Variants in UBA6 observed in about 807,000 individuals in gnomAD.
UBA6 encodes ubiquitin like modifier activating enzyme 6.
A neutral mutation model predicts 148.3 loss-of-function variants in UBA6; 87 were observed. The ratio of observed to expected loss-of-function variants is 0.59; its 90% CI spans 0.49 to 0.70. The LOEUF (loss-of-function observed/expected upper bound fraction) is 0.70, where lower values mean the gene tolerates loss of function less well. Among genes scored for constraint, UBA6 ranks in the 30% least tolerant of loss-of-function variants. UBA6 has a pLI of 0.00. For missense variants in UBA6, 1,186 were observed against 1,241.2 expected, an observed-to-expected ratio of 0.96 and a Z score of 0.67; for synonymous variants, 376 against 401.0, an observed-to-expected ratio of 0.94 and a Z score of 0.75.
chr4:67,626,488 A>G lies in UBA6; in HGVS notation c.2401-11T>C, dbSNP rs1478626741. The G allele has an allele frequency of 1.3e-6, 2 of 1,510,706 alleles. No individual in the cohort carries two copies. Among genetic ancestry groups the G allele is most frequent in the Non-Finnish European group, 9.1e-7 (1 of 1,098,934 alleles). 93.6% of individuals were successfully genotyped at this position (1,510,706 alleles called of 1,614,324 possible). On this transcript the variant is annotated splice_polypyrimidine_tract_variant and intron_variant, in intron 27 of 32. Transcript: ENST00000322244. The stretch of plus-strand genomic sequence containing the variant: ...ATCTGTTTGAACAACCTTTGAATAT[A>G]TGAATATATTTTTATTAATGTTATC...
In UBA6 at chr4:67,662,175, A is replaced by G; in HGVS notation, c.1104+14T>C. On this transcript the variant is annotated intron_variant, in intron 13 of 32. Transcript: ENST00000322244. ...CAAACAAATATTCGGACAGCCATAAATTTCAATAGTCACCTTCTCTTCCAA... is the reference window on the plus strand; with the variant it reads ...CAAACAAATATTCGGACAGCCATAAGTTTCAATAGTCACCTTCTCTTCCAA... 2 of 1,612,252 alleles carry G rather than the reference A, an allele frequency of 1.2e-6. No homozygotes were observed. Among genetic ancestry groups the G allele is most frequent in the South Asian group, 2.2e-5 (2 of 91,044 alleles).
intron 19 of UBA6, among the ~76,000 whole-genome samples, chr4:67,635,928 C>T (rs1454380219): frequency 6.6e-6 from 1 of 152,148 alleles, no homozygotes; most frequent in Non-Finnish European, 1.5e-5. Context: ...TCTTCTTTCT[C>T]AACACTTACA....
In UBA6 at chr4:67,694,215, C is replaced by CAAAAAA. The variant is rs769649769; in HGVS notation, c.134+2424_134+2429dup. ...TGGATGACAGAGCAAGACTCCATCT[C>CAAAAAA]AAAAAAAAAAAAAAAAAAAAAAAAA... On this transcript the variant is annotated intron_variant, in intron 2 of 32. Transcript: ENST00000322244. 4.4e-3 allele frequency among the ~76,000 whole-genome samples: 185 copies of CAAAAAA among 41,882 alleles called. 2 individuals carry two copies. Among genetic ancestry groups the CAAAAAA allele is most frequent in the Non-Finnish European group, 5.2e-3 (130 of 24,856 alleles). The allele number at this position is 41,882 out of a possible 152,430, so 27.5% of individuals were successfully genotyped here.
chr4:67,659,800 T>C (rs749702031), intron 13 of UBA6, among the ~76,000 whole-genome samples: 1 of 151,952 alleles, frequency 6.6e-6, no homozygotes, highest in South Asian at 2.1e-4. Flanking sequence ...GAAAGGAAGA[T>C]GTGGGAAAGT....
At chr4:67,678,095 G>A (rs546292443) in intron 5 of UBA6, among the ~76,000 whole-genome samples, 5 of 146,224 alleles carry the variant, frequency 3.4e-5, no homozygotes, top group Non-Finnish European at 7.5e-5. Context: ...ATATATAAAA[G>A]ATATATTATA....
In UBA6 at chr4:67,696,684, A is replaced by G. The variant is rs1472061079; in HGVS notation, c.95T>C (p.Met32Thr). 1.2e-6 allele frequency: 2 copies of G among 1,607,676 alleles called. No homozygotes were observed. The highest frequency in any genetic ancestry group is 1.7e-5 in the Admixed American group (1 of 59,512). ...ATCGATTTCCACAGATGCTGTTGAC[A>G]TAATGGGCAAATTTTTATTTGTGCT... ...TGSTNKNLPI[M>T]STASVEIDDA... The change falls in exon 2 of 33, where the codon ATG (methionine) becomes ACG (threonine). Residue 32 changes from methionine (M) to threonine (T), a missense_variant. Met to Thr is a moderately conservative substitution (Grantham distance 81). Transcript: ENST00000322244.
chr4:67,648,378 G>A (rs1469015782), intron 14 of UBA6, among the ~76,000 whole-genome samples: 4 of 149,028 alleles, frequency 2.7e-5, no homozygotes, highest in Admixed American at 6.7e-5. Flanking sequence ...TGAGGCAGGA[G>A]AATCGCGTGA....
intron 22 of UBA6, among the ~76,000 whole-genome samples, chr4:67,633,989 A>G (rs896299844): frequency 6.6e-6 from 1 of 152,022 alleles, no homozygotes; most frequent in African/African-American, 2.4e-5. Flanking sequence ...CATAATTATC[A>G]TATCTTTATT....
At chr4:67,676,172 C>A (rs1000928949) in intron 6 of UBA6, among the ~76,000 whole-genome samples, 6 of 151,808 alleles carry the variant, frequency 4.0e-5, no homozygotes, top group Non-Finnish European at 8.8e-5. Context: ...TACAGGCATG[C>A]ACCACCACGC....
At chr4:67,624,744 A>G (rs1728826717) in intron 29 of UBA6, among the ~76,000 whole-genome samples, 1 of 152,142 alleles carries the variant, frequency 6.6e-6, no homozygotes, top group African/African-American at 2.4e-5. Context: ...ATCAGTGAAA[A>G]GATTATTGCC....
At chr4:67,674,974 A>G (rs111929810) in intron 6 of UBA6, among the ~76,000 whole-genome samples, 18,531 of 152,058 alleles carry the variant, frequency 0.12, 1,287 homozygotes, top group South Asian at 0.21. Flanking sequence ...GGTTCAAGCG[A>G]TTCTCCTGCC....
chr4:67,659,405 G>A (rs957345646), intron 13 of UBA6, among the ~76,000 whole-genome samples: 1 of 152,024 alleles, frequency 6.6e-6, no homozygotes. Flanking sequence ...CTGTTCTGAT[G>A]ATAGTGAGTT....
intron 13 of UBA6, among the ~76,000 whole-genome samples, chr4:67,653,942 T>C (rs950770963): frequency 1.3e-5 from 2 of 152,070 alleles, no homozygotes; most frequent in African/African-American, 2.4e-5. Flanking sequence ...TATCAGTGAT[T>C]GAAGATCAGA....
At chr4:67,631,966 T>TA in intron 23 of UBA6, 58 bp from the exon 24 acceptor site, 1 of 1,473,276 alleles carries the variant, frequency 6.8e-7, no homozygotes, top group Non-Finnish European at 9.2e-7. Flanking sequence ...GAGGAAAAAT[T>TA]AAAAAATAAA....
At position 67,616,911 on chromosome 4, in the gene UBA6, T is replaced by A. The variant is rs1728638770; in HGVS notation, c.*2086A>T. 6.6e-6 allele frequency: 1 copy of A among 152,176 alleles called. No homozygotes were observed. The highest frequency in any genetic ancestry group is 1.9e-4 in the East Asian group (1 of 5,192). The allele number at this position is 152,176 out of a possible 1,614,324, so 9.4% of individuals were successfully genotyped here. A position where few individuals can be genotyped will look rare whatever the true frequency, so the allele number is the denominator to read the frequency against. On this transcript the variant is annotated 3_prime_UTR_variant, in exon 33 of 33. Transcript: ENST00000322244. ...CTGGTATTTCAGTCATCAACAGCAATCTCATGGTACAGAAATAAAATAATG... is the reference window on the plus strand; with the variant it reads ...CTGGTATTTCAGTCATCAACAGCAAACTCATGGTACAGAAATAAAATAATG...
At chr4:67,627,384 GA>G (rs1299300053) in intron 27 of UBA6, among the ~76,000 whole-genome samples, 1 of 151,892 alleles carries the variant, frequency 6.6e-6, no homozygotes. Context: ...AGGGAGTTGT[GA>G]AAAAGCCCAC....
chr4:67,682,044 G>A (rs1329871480), intron 3 of UBA6, 75 bp downstream of exon 3: 1 of 1,084,096 alleles, frequency 9.2e-7, no homozygotes, highest in Non-Finnish European at 1.4e-6. Flanking sequence ...GAAATATAAG[G>A]GGATGAAGTT....
chr4:67,644,676 C>G, intron 17 of UBA6, 22 bp downstream of exon 17: 5 of 1,382,010 alleles, frequency 3.6e-6, no homozygotes, highest in Non-Finnish European at 5.2e-6. Flanking sequence ...AAACTTTTAA[C>G]TCTCAAGAAT....
chr4:67,683,739 T>C (rs1463144144), intron 2 of UBA6, among the ~76,000 whole-genome samples: 1 of 152,160 alleles, frequency 6.6e-6, no homozygotes, highest in Non-Finnish European at 1.5e-5. Flanking sequence ...AGAATATGTA[T>C]ACTTCAACTT....
Sources: gnomAD v4.1 joint callset for allele counts (sites outside exome capture counted in the v4.1 genomes callset) on GRCh38, gnomAD v4.1.1 for gene constraint, MANE v1.5 for transcripts, NCBI Gene and HGNC (gene_info 2026-07-23, HGNC 2026-07-21) for gene names.